WWOX: variants seen among roughly 807,000 people sequenced by gnomAD.
The protein encoded by WWOX is WW domain containing oxidoreductase.
Under a neutral mutation model 46.2 loss-of-function variants are expected in WWOX, and 69 were observed. That is an observed-to-expected ratio of 1.49 (90% CI 1.23 to 1.82). The LOEUF is 1.82. WWOX is among the 40% of genes most tolerant of loss of function. The pLI is 0.00. For missense variants in WWOX, 919 were observed against 542.6 expected, an observed-to-expected ratio of 1.69 and a Z score of -6.89; for synonymous variants, 359 against 202.6, an observed-to-expected ratio of 1.77 and a Z score of -6.56.
At chr16:78,200,350 C>A (rs964965950) in intron 5 of WWOX, among the ~76,000 whole-genome samples, 3 of 149,204 alleles carry the variant, frequency 2.0e-5, no homozygotes, top group African/African-American at 7.5e-5. Context: ...AAGGTTGGGG[C>A]ATTCGCTCTT....
intron 8 of WWOX, among the ~76,000 whole-genome samples, chr16:78,621,962 T>G (rs1711868046): frequency 6.6e-6 from 1 of 152,164 alleles, no homozygotes; most frequent in East Asian, 1.9e-4. Context: ...ATTGTACTGG[T>G]TTTTCTTGAT....
At chr16:78,868,026 T>C (rs1046461189) in intron 8 of WWOX, among the ~76,000 whole-genome samples, 2 of 152,194 alleles carry the variant, frequency 1.3e-5, no homozygotes, top group Admixed American at 6.5e-5. Flanking sequence ...GCAGTTCCCT[T>C]CCTAAGAACC....
In WWOX at chr16:78,555,835, T is replaced by C. The variant is rs571947678; in HGVS notation, c.1056+123083T>C. 2.3e-4 allele frequency among the ~76,000 whole-genome samples: 35 copies of C among 152,142 alleles called. No individual in the cohort carries two copies. The South Asian group carries it at 6.7e-3, about 29-fold the overall frequency. ...TTCTGAGCCATGCCAATAAGAAAAA[T>C]GAGAATGCCAGCTTAAATAAATGTT... On this transcript the variant is annotated intron_variant, in intron 8 of 8. Transcript: ENST00000566780.
intron 8 of WWOX, among the ~76,000 whole-genome samples, chr16:79,035,798 C>T (rs1317879708): frequency 1.3e-5 from 2 of 152,128 alleles, no homozygotes; most frequent in Non-Finnish European, 2.9e-5. Context: ...AAAAGGCCAA[C>T]CCCATTAGAC....
chr16:78,901,437 G>A (rs8048020), intron 8 of WWOX, among the ~76,000 whole-genome samples: 2 of 152,084 alleles, frequency 1.3e-5, no homozygotes, highest in South Asian at 2.1e-4. Context: ...AACCACTTCT[G>A]TTTCATTTTC....
intron 8 of WWOX, among the ~76,000 whole-genome samples, chr16:78,775,075 GAGA>G (rs930380117): frequency 1.3e-5 from 2 of 152,142 alleles, no homozygotes; most frequent in Non-Finnish European, 2.9e-5. Flanking sequence ...TCAGGCTCAG[GAGA>G]AGAAGAGTGA....
intron 8 of WWOX, chr16:78,826,117 A>C (rs1425443872): frequency 3.4e-6 from 1 of 293,076 alleles, no homozygotes; most frequent in Non-Finnish European, 6.2e-6. Flanking sequence ...GCACTGTGGG[A>C]GTCAAGACAG....
At chr16:78,929,021 G>T (rs1026014231) in intron 8 of WWOX, among the ~76,000 whole-genome samples, 3 of 152,102 alleles carry the variant, frequency 2.0e-5, no homozygotes, top group Non-Finnish European at 4.4e-5. Context: ...TTCACATATA[G>T]TTACATTAGA....
chr16:78,163,470 G>A (rs567107566), intron 4 of WWOX, among the ~76,000 whole-genome samples: 6 of 152,252 alleles, frequency 3.9e-5, no homozygotes, highest in Admixed American at 2.0e-4. Flanking sequence ...TTATAAAATT[G>A]CCAAAAGCTC....
chr16:79,098,973 C>T (rs751419847), intron 8 of WWOX, among the ~76,000 whole-genome samples: 16 of 152,174 alleles, frequency 1.1e-4, no homozygotes, highest in Non-Finnish European at 1.6e-4. Context: ...TCACAGTTCT[C>T]ATGCCTGGAA....
chr16:78,650,222 A>G (rs1039230898), intron 8 of WWOX, among the ~76,000 whole-genome samples: 1 of 152,264 alleles, frequency 6.6e-6, no homozygotes, highest in African/African-American at 2.4e-5. Flanking sequence ...ACACATTACT[A>G]CATACAGTGA....
chr16:78,721,088 A>G (rs1400838370), intron 8 of WWOX, among the ~76,000 whole-genome samples: 2 of 152,104 alleles, frequency 1.3e-5, no homozygotes, highest in Non-Finnish European at 2.9e-5. Flanking sequence ...GTAGATATAT[A>G]TTTATATAAA....
At chr16:78,375,550 A>C (rs2081799684) in intron 5 of WWOX, among the ~76,000 whole-genome samples, 1 of 152,192 alleles carries the variant, frequency 6.6e-6, no homozygotes, top group South Asian at 2.1e-4. Context: ...ATTTACGATA[A>C]ATGTCAGTGT....
chr16:78,418,562 T>G (rs2082851930), intron 6 of WWOX, among the ~76,000 whole-genome samples: 1 of 152,132 alleles, frequency 6.6e-6, no homozygotes, highest in African/African-American at 2.4e-5. Context: ...TTGTACAAAA[T>G]GCTAGCAAGC....
intron 8 of WWOX, among the ~76,000 whole-genome samples, chr16:79,143,673 C>T (rs192882015): frequency 6.6e-6 from 1 of 152,100 alleles, no homozygotes; most frequent in Admixed American, 6.5e-5. Flanking sequence ...GTTTCACACC[C>T]TATGTCTTGT....
chr16:78,515,673 C>G (rs955480534), intron 8 of WWOX, among the ~76,000 whole-genome samples: 3 of 152,198 alleles, frequency 2.0e-5, no homozygotes, highest in Non-Finnish European at 4.4e-5. Context: ...TCCTCGCAGC[C>G]GCTCCCTTCC....
chr16:78,999,156 T>A (rs537086345), intron 8 of WWOX, among the ~76,000 whole-genome samples: 73 of 152,000 alleles, frequency 4.8e-4, no homozygotes, highest in African/African-American at 1.6e-3. Context: ...TTTTTTTTTT[T>A]TTTTAATGGA....
At chr16:78,984,220 A>T (rs999325280) in intron 8 of WWOX, among the ~76,000 whole-genome samples, 3 of 152,042 alleles carry the variant, frequency 2.0e-5, no homozygotes, top group Non-Finnish European at 4.4e-5. Context: ...AGTCCGGTAT[A>T]ACCATGTGGC....
chr16:78,922,403 G>A (rs1294586231), intron 8 of WWOX, among the ~76,000 whole-genome samples: 1 of 145,686 alleles, frequency 6.9e-6, no homozygotes, highest in African/African-American at 2.5e-5. Flanking sequence ...TTTTGAGACA[G>A]TCTCTCATTC....
Sources: allele counts gnomAD v4.1 joint callset (sites outside exome capture counted in the v4.1 genomes callset), GRCh38; gene constraint gnomAD v4.1.1; transcripts MANE v1.5; gene names NCBI Gene and HGNC (gene_info 2026-07-23, HGNC 2026-07-21).